SCN7A: variants seen among roughly 807,000 people sequenced by gnomAD.
The protein encoded by SCN7A is sodium channel protein type 7 subunit alpha.
In SCN7A, 138 loss-of-function variants were observed where a neutral mutation model predicts 155.2. The observed-to-expected ratio is 0.89, with a 90% confidence interval of 0.77 to 1.02. The LOEUF (loss-of-function observed/expected upper bound fraction) is 1.02. Among genes scored for constraint, SCN7A ranks in the 50% least tolerant of loss-of-function variants. The probability of loss-of-function intolerance (pLI) is 0.00; values close to 1 mark genes in which losing one functional copy is unlikely to be tolerated. For synonymous variants in SCN7A, 693 were observed against 649.0 expected (o/e 1.07, Z -1.03); for missense variants, 2,058 against 1,986.6 (o/e 1.04, Z -0.68).
At chr2:166,428,043 A>C in intron 17 of SCN7A, 101 bp from the exon 18 acceptor site, 1 of 1,180,440 alleles carries the variant, frequency 8.5e-7, no homozygotes, top group Non-Finnish European at 1.2e-6. Flanking sequence ...TTTATTTACA[A>C]ATTCTAATCC....
In SCN7A at chr2:166,444,976, C is replaced by A. The variant is rs191900414; in HGVS notation, c.1412G>T (p.Cys471Phe). Residue 471 changes from cysteine to phenylalanine, a missense_variant, in exon 13 of 26, where the codon TGC (cysteine) becomes TTC (phenylalanine). Cys to Phe is a radical substitution (Grantham distance 205, BLOSUM62 -2). Coordinates refer to ENST00000643258, the MANE Select transcript of SCN7A (RefSeq NM_002976.4). ...KEELEKSKKI[C>F]PLYWYKFAKT... Reference sequence around the variant, plus strand: ...AGCAAACTTATACCAGTATAATGGGCATATCTTCTTGGATTTTTCAAGTTC... The same window carrying A: ...AGCAAACTTATACCAGTATAATGGGAATATCTTCTTGGATTTTTCAAGTTC... The A allele has an allele frequency of 9.8e-5, 158 of 1,609,006 alleles. 1 individual carries two copies. In the African/African-American group the frequency reaches 1.7e-3, roughly 18 times the overall value.
intron 2 of SCN7A, among the ~76,000 whole-genome samples, chr2:166,485,127 G>C (rs946555718): frequency 8.5e-5 from 13 of 152,096 alleles, no homozygotes; most frequent in Non-Finnish European, 1.8e-4. Context: ...AGTGAAAGAA[G>C]TCTGACATGA....
intron 25 of SCN7A, among the ~76,000 whole-genome samples, chr2:166,407,626 A>G (rs560856317): frequency 6.6e-6 from 1 of 152,026 alleles, no homozygotes; most frequent in African/African-American, 2.4e-5. Context: ...CAACCTTCCA[A>G]ACTTTTTCAT....
intron 20 of SCN7A, among the ~76,000 whole-genome samples, chr2:166,419,757 G>A (rs527997292): frequency 2.0e-5 from 3 of 151,946 alleles, no homozygotes; most frequent in Non-Finnish European, 4.4e-5. Flanking sequence ...AAAAGCACTG[G>A]GCAATATCAC....
At chr2:166,474,382 A>G in intron 3 of SCN7A, 38 bp from the exon 4 acceptor site, 1 of 932,826 alleles carries the variant, frequency 1.1e-6, no homozygotes, top group Non-Finnish European at 1.6e-6. Flanking sequence ...ATTAGAACTC[A>G]GAACCATAAT....
chr2:166,464,492 GT>G (rs1464552590), intron 9 of SCN7A, among the ~76,000 whole-genome samples: 2 of 152,082 alleles, frequency 1.3e-5, no homozygotes, highest in African/African-American at 2.4e-5. Flanking sequence ...AGACATGACA[GT>G]TATGTCATCT....
intron 11 of SCN7A, among the ~76,000 whole-genome samples, chr2:166,449,199 G>T (rs1702127621): frequency 6.6e-6 from 1 of 152,070 alleles, no homozygotes; most frequent in South Asian, 2.1e-4. Flanking sequence ...AACAGTATTT[G>T]AATTTAAATT....
chr2:166,432,508 G>A lies in SCN7A; in HGVS notation c.2402C>T (p.Thr801Ile), dbSNP rs1203840973. The A allele has an allele frequency of 1.9e-6, 3 of 1,613,570 alleles. No homozygotes were observed. In the South Asian group the frequency reaches 3.3e-5, roughly 18 times the overall value. Residue 801 changes from threonine to isoleucine, a missense_variant, in exon 16 of 26, where the codon ACC becomes ATC. Thr to Ile is a moderately conservative substitution (Grantham distance 89). Transcript: ENST00000643258. ...SDHTLSELSN[T>I]QDFLKDKEKS... ...TTCCTTATCTTTGAGAAAATCTTGG[G>A]TGTTGCTCAATTCAGAAAGGGTATG...
At chr2:166,470,871 A>C (rs1702639117) in intron 6 of SCN7A, among the ~76,000 whole-genome samples, 165 bp from the exon 7 acceptor site, 1 of 151,858 alleles carries the variant, frequency 6.6e-6, no homozygotes, top group African/African-American at 2.4e-5. Context: ...TTAGAAGACA[A>C]AGATTGCTAC....
intron 11 of SCN7A, among the ~76,000 whole-genome samples, chr2:166,451,096 T>C (rs1436664934): frequency 6.6e-6 from 1 of 152,140 alleles, no homozygotes; most frequent in Non-Finnish European, 1.5e-5. Flanking sequence ...ATAGGGACAA[T>C]GTTTGTTGGA....
chr2:166,451,869 A>T (rs1702183848), intron 11 of SCN7A, among the ~76,000 whole-genome samples: 1 of 152,154 alleles, frequency 6.6e-6, no homozygotes, highest in African/African-American at 2.4e-5. Context: ...CAGCCTCAAC[A>T]ATTATTAGTG....
intron 10 of SCN7A, chr2:166,461,897 G>A (rs1702417703): frequency 6.5e-6 from 1 of 153,444 alleles, no homozygotes; most frequent in Admixed American, 6.5e-5. Context: ...AGACCATCCT[G>A]GCTAATACGG....
At chr2:166,462,296 A>G in intron 10 of SCN7A, 93 bp downstream of exon 10, 1 of 1,337,050 alleles carries the variant, frequency 7.5e-7, no homozygotes, top group Non-Finnish European at 1.0e-6. Context: ...CTGCACATAA[A>G]AATTTAAAAA....
In SCN7A at chr2:166,470,620, T is replaced by C. The variant is rs1394344824; in HGVS notation, c.659A>G (p.Asn220Ser). 6.2e-7 allele frequency: 1 copy of C among 1,602,458 alleles called. No individual in the cohort carries two copies. The highest frequency in any genetic ancestry group is 8.5e-7 in the Non-Finnish European group (1 of 1,173,262). The change falls in exon 7 of 26, where the codon AAT becomes AGT. Residue 220 changes from asparagine (N) to serine (S), a missense_variant. By Grantham distance (46) the Asn-to-Ser change is conservative. Coordinates refer to ENST00000643258, the MANE Select transcript of SCN7A (RefSeq NM_002976.4). ...TLRILKIIPLNQGLKSLVGVL... is the reference protein window; with the variant it reads ...TLRILKIIPLSQGLKSLVGVL... ...CATTCAATGCAATTTCTTACCTTGATTTAAAGGAATAATTTTTAAAATTCT... is the reference window on the plus strand; with the variant it reads ...CATTCAATGCAATTTCTTACCTTGACTTAAAGGAATAATTTTTAAAATTCT...
At position 166,410,330 on chromosome 2, in the gene SCN7A, G is replaced by C. The variant is rs1701174384; in HGVS notation, c.3607-6C>G. The C allele has an allele frequency of 1.3e-6, 2 of 1,516,696 alleles. No homozygotes were observed. Among genetic ancestry groups the C allele is most frequent in the Non-Finnish European group, 1.8e-6 (2 of 1,128,544 alleles). The allele number at this position is 1,516,696 out of a possible 1,614,324, so 94.0% of individuals were successfully genotyped here. On this transcript the variant is annotated splice_polypyrimidine_tract_variant and splice_region_variant and intron_variant, in intron 23 of 25. Coordinates refer to ENST00000643258, the MANE Select transcript of SCN7A (RefSeq NM_002976.4). ...AAGATATTTGAGCCTCCCAGGTAAA[G>C]AAAGGAAAGAAAAATATATTAAAAT...
At chr2:166,432,271 A>G (rs749100589) in intron 16 of SCN7A, 47 bp downstream of exon 16, 2 of 1,464,650 alleles carry the variant, frequency 1.4e-6, no homozygotes, top group Admixed American at 2.1e-5. Context: ...CCTTATCAAC[A>G]ATACTATAAA....
At chr2:166,492,262 G>A (rs1280170016) in intron 1 of SCN7A, among the ~76,000 whole-genome samples, 5 of 152,016 alleles carry the variant, frequency 3.3e-5, no homozygotes, top group Admixed American at 6.5e-5. Context: ...TGTACAAATT[G>A]AGTTCTTTCT....
intron 15 of SCN7A, among the ~76,000 whole-genome samples, chr2:166,433,416 A>G (rs1575022089): frequency 6.6e-6 from 1 of 152,120 alleles, no homozygotes; most frequent in East Asian, 1.9e-4. Context: ...GTTCTTATCC[A>G]CCTACCACAG....
rs190291885 is a variant in SCN7A at position 166,442,459 on chromosome 2, C to T, written c.1801-707G>A. Among the ~76,000 whole-genome samples the T allele has an allele frequency of 6.8e-3, 1,031 of 152,198 alleles. 11 individuals carry two copies. Among genetic ancestry groups the T allele is most frequent in the Non-Finnish European group, 9.4e-3 (637 of 68,004 alleles). ...ACTGAGTGCAGAAGCACAATCATAG[C>T]TCACTGCAGCCTCCAACTCCTAGGC... On this transcript the variant is annotated intron_variant, in intron 14 of 25. Transcript: ENST00000643258.
Sources: allele counts gnomAD v4.1 joint callset (sites outside exome capture counted in the v4.1 genomes callset), GRCh38; gene constraint gnomAD v4.1.1; transcripts MANE v1.5; gene names NCBI Gene and HGNC (gene_info 2026-07-23, HGNC 2026-07-21).